Variants in GPHN observed in about 807,000 individuals in gnomAD.
GPHN encodes the protein gephyrin.
A neutral mutation model predicts 95.5 loss-of-function variants in GPHN; 17 were observed. That is an observed-to-expected ratio of 0.18 (90% CI 0.12 to 0.27). The LOEUF (loss-of-function observed/expected upper bound fraction) is 0.27, where lower values mean the gene tolerates loss of function less well. Among genes scored for constraint, GPHN ranks in the 10% least tolerant of loss-of-function variants. GPHN has a pLI of 1.00. For synonymous variants in GPHN, 320 were observed against 322.5 expected (o/e 0.99, Z 0.08); for missense variants, 660 against 978.1 (o/e 0.67, Z 4.34).
At chr14:67,374,766 G>T in the GPHN span, 1 of 363,224 alleles carries the variant, frequency 2.8e-6, no homozygotes, top group Non-Finnish European at 5.0e-6. Flanking sequence ...TAAAATACGG[G>T]GTTTTTTTGT....
At chr14:66,986,650 A>G (rs1055779880) in intron 9 of GPHN, among the ~76,000 whole-genome samples, 2 of 152,110 alleles carry the variant, frequency 1.3e-5, no homozygotes, top group African/African-American at 4.8e-5. Context: ...AAAAGTAATT[A>G]TTTTCTTATA....
At chr14:67,343,764 G>A in the GPHN span, among the ~76,000 whole-genome samples, 1 of 152,208 alleles carries the variant, frequency 6.6e-6, no homozygotes, top group African/African-American at 2.4e-5. Context: ...CAGCTGCTTG[G>A]TAATCTGTGA....
intron 10 of GPHN, among the ~76,000 whole-genome samples, chr14:67,031,245 AT>A (rs1228310990): frequency 6.6e-6 from 1 of 152,198 alleles, no homozygotes; most frequent in African/African-American, 2.4e-5. Flanking sequence ...ATTAAGAAAC[AT>A]GAATTTTTAT....
chr14:67,384,784 G>A, the GPHN span: 1 of 152,188 alleles, frequency 6.6e-6, no homozygotes, highest in East Asian at 1.9e-4. Flanking sequence ...TGGTTTCTGA[G>A]AGAGTGCCAT....
At chr14:67,125,497 C>T (rs749115765) in intron 17 of GPHN, among the ~76,000 whole-genome samples, 2 of 152,160 alleles carry the variant, frequency 1.3e-5, no homozygotes, top group East Asian at 1.9e-4. Flanking sequence ...TCAATAAGGG[C>T]GAGGTGCAGT....
At chr14:66,898,049 G>GT (rs2064945701) in intron 5 of GPHN, among the ~76,000 whole-genome samples, 1 of 151,876 alleles carries the variant, frequency 6.6e-6, no homozygotes, top group South Asian at 2.1e-4. Flanking sequence ...GTCTGACTGT[G>GT]TTTTTTAGTT....
the GPHN span, chr14:67,225,251 T>C: frequency 6.6e-7 from 1 of 1,512,840 alleles, no homozygotes; most frequent in South Asian, 1.3e-5. Flanking sequence ...GAAAAACATG[T>C]AAGACAAACT....
intron 21 of GPHN, among the ~76,000 whole-genome samples, chr14:67,176,521 A>G (rs1299349156): frequency 6.6e-6 from 1 of 152,232 alleles, no homozygotes; most frequent in African/African-American, 2.4e-5. Context: ...TCATCAGGAT[A>G]TTGGCCTAAA....
chr14:67,451,997 A>T, the GPHN span, among the ~76,000 whole-genome samples: 1 of 152,166 alleles, frequency 6.6e-6, no homozygotes, highest in Non-Finnish European at 1.5e-5. Context: ...TGCTGTTCTC[A>T]TGATAGAGAA....
In GPHN at chr14:66,803,331, T is replaced by G. The variant is rs142135766; in HGVS notation, c.202-21143T>G. Reference sequence around the variant, plus strand: ...GGGGTCCTGTTGACTATTCAAAACTTTTTCTATGTCTTCAATGCCTCTTTT... The same window carrying G: ...GGGGTCCTGTTGACTATTCAAAACTGTTTCTATGTCTTCAATGCCTCTTTT... On this transcript the variant is annotated intron_variant, in intron 3 of 22. Coordinates refer to ENST00000478722, the MANE Select transcript of GPHN (RefSeq NM_020806.5). Among the ~76,000 whole-genome samples the G allele has an allele frequency of 6.6e-5, 10 of 152,292 alleles. No homozygotes were observed. The East Asian group carries it at 1.7e-3, about 27-fold the overall frequency.
chr14:67,692,625 A>T, the GPHN span: 1 of 1,519,092 alleles, frequency 6.6e-7, no homozygotes, highest in African/African-American at 1.4e-5. Context: ...AGAAATGGTC[A>T]GCTCTGTTTT....
chr14:67,673,355 T>A, the GPHN span, among the ~76,000 whole-genome samples: 29 of 151,702 alleles, frequency 1.9e-4, no homozygotes, highest in East Asian at 5.8e-4. Context: ...AAAAAAAAAA[T>A]GATAAATAAT....
chr14:66,964,986 A>G (rs1217297350), intron 8 of GPHN, among the ~76,000 whole-genome samples: 1 of 152,194 alleles, frequency 6.6e-6, no homozygotes, highest in Non-Finnish European at 1.5e-5. Flanking sequence ...AAAAAGTTTT[A>G]TGAAATGGTA....
chr14:66,710,891 TA>T (rs760616645), intron 2 of GPHN, among the ~76,000 whole-genome samples: 4 of 152,202 alleles, frequency 2.6e-5, no homozygotes, highest in Non-Finnish European at 5.9e-5. Flanking sequence ...CATAGTCTGA[TA>T]AGTGGAAAGG....
At chr14:67,390,619 G>A in the GPHN span, 1 of 1,299,436 alleles carries the variant, frequency 7.7e-7, no homozygotes, top group Admixed American at 1.7e-5. Context: ...GTGTCTGGGG[G>A]CATCACAACA....
At chr14:67,447,447 A>G in the GPHN span, 31 of 152,250 alleles carry the variant, frequency 2.0e-4, no homozygotes, top group Admixed American at 6.5e-4. Context: ...GAAAAAAAGA[A>G]GATGAAAGAT....
chr14:66,581,866 C>G (rs966187570), intron 1 of GPHN, among the ~76,000 whole-genome samples: 1 of 151,780 alleles, frequency 6.6e-6, no homozygotes, highest in Non-Finnish European at 1.5e-5. Context: ...ATATCTGCAC[C>G]CAACATCAGA....
At chr14:66,813,787 G>A (rs1378048417) in intron 3 of GPHN, among the ~76,000 whole-genome samples, 1 of 152,186 alleles carries the variant, frequency 6.6e-6, no homozygotes, top group Admixed American at 6.5e-5. Flanking sequence ...AACAGACAGG[G>A]CTGGTCTGAC....
intron 2 of GPHN, among the ~76,000 whole-genome samples, chr14:66,710,329 G>A (rs528939196): frequency 2.6e-3 from 394 of 152,168 alleles, no homozygotes; most frequent in Non-Finnish European, 3.6e-3. Context: ...GTTCCAAGGC[G>A]TGGAATCTGA....
Sources: allele counts gnomAD v4.1 joint callset (sites outside exome capture counted in the v4.1 genomes callset), GRCh38; gene constraint gnomAD v4.1.1; transcripts MANE v1.5; gene names NCBI Gene and HGNC (gene_info 2026-07-23, HGNC 2026-07-21).